Variants in RFTN2 observed in about 807,000 individuals in gnomAD.
The protein encoded by RFTN2 is raftlin-2.
RFTN2 carries 34 observed loss-of-function variants against 52.7 expected under a neutral mutation model. The observed-to-expected ratio is 0.64, with a 90% CI of 0.49 to 0.86. The LOEUF is 0.86. Among genes scored for constraint, RFTN2 ranks in the 40% least tolerant of loss-of-function variants. RFTN2 has a pLI of 0.00. For missense variants in RFTN2, 536 were observed against 600.1 expected, an observed-to-expected ratio of 0.89 and a Z score of 1.12; for synonymous variants, 203 against 217.7, an observed-to-expected ratio of 0.93 and a Z score of 0.59.
In RFTN2 at chr2:197,568,444, C is replaced by T. The variant is rs1279950496; in HGVS notation, c.*3564G>A. 2 of 152,126 alleles carry T rather than the reference C, an allele frequency of 1.3e-5. No individual in the cohort carries two copies. The highest frequency in any genetic ancestry group is 2.9e-5 in the Non-Finnish European group (2 of 68,024). The allele number at this position is 152,126 out of a possible 1,614,324, so 9.4% of individuals were successfully genotyped here. A position where few individuals can be genotyped will look rare whatever the true frequency, so the allele number is the denominator to read the frequency against. Reference sequence around the variant, plus strand: ...TCTCAGAACTTAAATATCTGACAGACCTGGTTCTGCAAACTTTGCACTATT... The same window carrying T: ...TCTCAGAACTTAAATATCTGACAGATCTGGTTCTGCAAACTTTGCACTATT... On this transcript the variant is annotated 3_prime_UTR_variant, in exon 9 of 9. Transcript: ENST00000295049.
At chr2:197,575,215 C>T (rs1276629995) in intron 8 of RFTN2, among the ~76,000 whole-genome samples, 1 of 152,200 alleles carries the variant, frequency 6.6e-6, no homozygotes, top group Non-Finnish European at 1.5e-5. Flanking sequence ...GACTTTGCTC[C>T]TCATTCACCT....
intron 8 of RFTN2, among the ~76,000 whole-genome samples, chr2:197,587,019 C>T (rs1297704631): frequency 6.6e-6 from 1 of 152,198 alleles, no homozygotes; most frequent in Admixed American, 6.5e-5. Flanking sequence ...TGGGTCCTCC[C>T]AATTCTTAAT....
In RFTN2 at chr2:197,633,705, T is replaced by C; in HGVS notation, c.718+13A>G. ...CTATAGTATATTCTCTTTCTACTAA[T>C]CTTGTCTATTACCTTCTCCCTTTCT... On this transcript the variant is annotated intron_variant, in intron 4 of 8. Transcript: ENST00000295049. 1 of 1,608,340 alleles carries C rather than the reference T, an allele frequency of 6.2e-7. No homozygotes were observed. The highest frequency in any genetic ancestry group is 8.5e-7 in the Non-Finnish European group (1 of 1,176,028).
At chr2:197,664,513 G>T (rs7601762) in intron 1 of RFTN2, among the ~76,000 whole-genome samples, 70,711 of 150,666 alleles carry the variant, frequency 0.47, 16,947 homozygotes, top group Middle Eastern at 0.59. Flanking sequence ...AGTGGCTTAT[G>T]CCTGTACTCT....
intron 1 of RFTN2, among the ~76,000 whole-genome samples, chr2:197,670,562 C>A (rs2089131198): frequency 6.7e-6 from 1 of 148,348 alleles, no homozygotes; most frequent in African/African-American, 2.4e-5. Context: ...GTAGTCCCAG[C>A]TACTCCAGCA....
chr2:197,577,314 A>T (rs1574673836), intron 8 of RFTN2, among the ~76,000 whole-genome samples: 1 of 152,218 alleles, frequency 6.6e-6, no homozygotes, highest in Non-Finnish European at 1.5e-5. Flanking sequence ...CACAAAGTCT[A>T]CAGTAGGTCC....
At chr2:197,653,421 G>T (rs2088850466) in intron 1 of RFTN2, among the ~76,000 whole-genome samples, 1 of 152,144 alleles carries the variant, frequency 6.6e-6, no homozygotes, top group Non-Finnish European at 1.5e-5. Flanking sequence ...CACAGAAGAG[G>T]CTGGCAGGTA....
intron 5 of RFTN2, among the ~76,000 whole-genome samples, chr2:197,625,405 G>A (rs748674503): frequency 7.9e-5 from 12 of 152,146 alleles, no homozygotes; most frequent in Non-Finnish European, 2.9e-5. Flanking sequence ...GTGCAGAGAG[G>A]TAACACTCCA....
At chr2:197,636,222 G>T (rs1162008825) in intron 3 of RFTN2, among the ~76,000 whole-genome samples, 15 of 150,820 alleles carry the variant, frequency 9.9e-5, no homozygotes, top group Non-Finnish European at 2.1e-4. Flanking sequence ...GGCGACGCGG[G>T]CTCTTTTTTG....
intron 7 of RFTN2, among the ~76,000 whole-genome samples, chr2:197,602,206 C>T (rs1305575768): frequency 6.6e-6 from 1 of 152,038 alleles, no homozygotes; most frequent in Non-Finnish European, 1.5e-5. Context: ...GCTGGGACTA[C>T]AGGCGTGCGC....
chr2:197,575,786 A>AAT (rs1553597176), intron 8 of RFTN2, among the ~76,000 whole-genome samples: 14 of 99,134 alleles, frequency 1.4e-4, no homozygotes, highest in Middle Eastern at 6.4e-3. Context: ...TTCTATATAT[A>AAT]ATATATTATA....
chr2:197,599,325 A>G (rs1216761362), intron 7 of RFTN2, among the ~76,000 whole-genome samples: 1 of 152,198 alleles, frequency 6.6e-6, no homozygotes, highest in Non-Finnish European at 1.5e-5. Flanking sequence ...TGCTGAGGAC[A>G]CATATTTTTC....
At chr2:197,657,027 A>T (rs903234392) in intron 1 of RFTN2, among the ~76,000 whole-genome samples, 10 of 43,490 alleles carry the variant, frequency 2.3e-4, no homozygotes, top group South Asian at 9.2e-4. Context: ...TAAAAAAATA[A>T]AAAAAAAAAT....
intron 7 of RFTN2, among the ~76,000 whole-genome samples, chr2:197,602,993 T>A (rs1307748868): frequency 6.6e-6 from 1 of 152,162 alleles, no homozygotes; most frequent in Non-Finnish European, 1.5e-5. Context: ...AAACATAGCA[T>A]GTTCTCACTC....
intron 5 of RFTN2, among the ~76,000 whole-genome samples, chr2:197,619,037 G>A (rs1224834573): frequency 2.0e-5 from 3 of 149,838 alleles, no homozygotes; most frequent in Non-Finnish European, 4.5e-5. Context: ...CCGGCCAGCC[G>A]CCCTGTCCGG....
intron 5 of RFTN2, among the ~76,000 whole-genome samples, chr2:197,630,207 GTAAT>G (rs1164702484): frequency 1.4e-5 from 1 of 72,536 alleles, no homozygotes; most frequent in African/African-American, 8.2e-5. Flanking sequence ...ATCAGTTAAG[GTAAT>G]AAATACTAGG....
chr2:197,644,576 C>T (rs916538475), intron 2 of RFTN2, among the ~76,000 whole-genome samples: 20 of 152,234 alleles, frequency 1.3e-4, no homozygotes, highest in Middle Eastern at 6.8e-3. Context: ...TATATCTTAT[C>T]GAACAAAAGC....
chr2:197,572,397 A>G (rs1401890637), intron 8 of RFTN2, 117 bp from the exon 9 acceptor site: 4 of 985,750 alleles, frequency 4.1e-6, no homozygotes, highest in South Asian at 1.5e-5. Flanking sequence ...CAGCTCTTCA[A>G]AATCCTGCTC....
At chr2:197,647,655 G>A (rs1396577218) in intron 1 of RFTN2, among the ~76,000 whole-genome samples, 1 of 152,192 alleles carries the variant, frequency 6.6e-6, no homozygotes, top group Non-Finnish European at 1.5e-5. Flanking sequence ...TATCTGGGAA[G>A]CTAAACATAT....
Sources: gnomAD v4.1 joint callset for allele counts (sites outside exome capture counted in the v4.1 genomes callset) on GRCh38, gnomAD v4.1.1 for gene constraint, MANE v1.5 for transcripts, NCBI Gene and HGNC (gene_info 2026-07-23, HGNC 2026-07-21) for gene names.